The following PLD5 variants were observed in gnomAD, a reference collection of about 807,000 sequenced individuals.
PLD5 encodes the protein inactive phospholipase D5.
PLD5 carries 36 observed loss-of-function variants against 61.1 expected under a neutral mutation model. The observed-to-expected ratio is 0.59, with a 90% CI of 0.45 to 0.78. The LOEUF (loss-of-function observed/expected upper bound fraction) is 0.78. Among genes scored for constraint, PLD5 ranks in the 30% least tolerant of loss-of-function variants. The pLI is 0.00. For missense variants in PLD5, 515 were observed against 644.4 expected (o/e 0.80, Z 2.17); for synonymous variants, 243 against 242.8 (o/e 1.00, Z -0.01).
intron 4 of PLD5, among the ~76,000 whole-genome samples, chr1:242,244,099 G>A (rs1272412745): frequency 1.3e-5 from 2 of 152,120 alleles, no homozygotes; most frequent in Non-Finnish European, 2.9e-5. Flanking sequence ...ATATATGCAC[G>A]TATTACCTGA....
chr1:242,110,860 C>T (rs956169985), intron 7 of PLD5, among the ~76,000 whole-genome samples: 2 of 152,068 alleles, frequency 1.3e-5, no homozygotes, highest in Non-Finnish European at 2.9e-5. Context: ...AAATAAAAAG[C>T]ATTAACACTT....
chr1:242,214,870 C>CGTTT, intron 5 of PLD5, among the ~76,000 whole-genome samples: 1 of 111,458 alleles, frequency 9.0e-6, no homozygotes, highest in Admixed American at 8.5e-5. Flanking sequence ...TCATTAAACA[C>CGTTT]CTTTTTTTTT....
chr1:242,514,108 T>G (rs1175025084), intron 1 of PLD5, among the ~76,000 whole-genome samples: 1 of 152,232 alleles, frequency 6.6e-6, no homozygotes, highest in African/African-American at 2.4e-5. Flanking sequence ...ATAAAGTATC[T>G]ATTCAAATAT....
intron 5 of PLD5, among the ~76,000 whole-genome samples, chr1:242,164,403 TAA>T (rs34240432): frequency 4.4e-4 from 66 of 149,762 alleles, no homozygotes; most frequent in South Asian, 4.2e-4. Context: ...TGACAAATAT[TAA>T]AAAAAAAAAA....
intron 1 of PLD5, chr1:242,377,409 C>G (rs1255493665): frequency 9.8e-6 from 11 of 1,119,748 alleles, no homozygotes; most frequent in Non-Finnish European, 1.5e-5. Context: ...CCGCTTGGGA[C>G]TGGGGACCTT....
chr1:242,470,021 A>G (rs1431944085), intron 1 of PLD5, among the ~76,000 whole-genome samples: 12 of 152,172 alleles, frequency 7.9e-5, no homozygotes. Context: ...TGCACCAGGA[A>G]AAGCAAACCA....
At chr1:242,419,572 A>ATTTT (rs767869905) in intron 1 of PLD5, among the ~76,000 whole-genome samples, 17,060 of 96,944 alleles carry the variant, frequency 0.18, 2,510 homozygotes, top group African/African-American at 0.33. Flanking sequence ...AATTTTTTGC[A>ATTTT]TTTTTTTTTT....
chr1:242,394,392 GTA>G (rs1209478240), intron 1 of PLD5, among the ~76,000 whole-genome samples: 1 of 98,902 alleles, frequency 1.0e-5, no homozygotes, highest in African/African-American at 4.3e-5. Flanking sequence ...GTATATATGA[GTA>G]TATATGTGTG....
At chr1:242,523,642 G>A (rs187684693) in intron 1 of PLD5, among the ~76,000 whole-genome samples, 1 of 152,306 alleles carries the variant, frequency 6.6e-6, no homozygotes, top group East Asian at 1.9e-4. Flanking sequence ...CGCTAGCGGC[G>A]CCAACTTTAC....
intron 5 of PLD5, among the ~76,000 whole-genome samples, chr1:242,133,784 C>T (rs1432783201): frequency 1.3e-5 from 2 of 152,096 alleles, no homozygotes; most frequent in African/African-American, 4.8e-5. Flanking sequence ...GGAAAATCAA[C>T]AGATAAAACC....
At chr1:242,113,232 G>A (rs910811823) in intron 7 of PLD5, among the ~76,000 whole-genome samples, 7 of 151,964 alleles carry the variant, frequency 4.6e-5, no homozygotes, top group Non-Finnish European at 8.8e-5. Context: ...TGGGACTACA[G>A]GCACCCGCCA....
intron 9 of PLD5, among the ~76,000 whole-genome samples, chr1:242,095,727 T>C (rs1014420460): frequency 6.6e-6 from 1 of 152,120 alleles, no homozygotes; most frequent in Non-Finnish European, 1.5e-5. Context: ...ATGTAAAATA[T>C]CCAGATTTGA....
chr1:242,484,128 C>G lies in PLD5; in HGVS notation c.189+39960G>C, dbSNP rs554200568. Among the ~76,000 whole-genome samples the G allele has an allele frequency of 3.0e-4, 45 of 152,078 alleles. No homozygotes were observed. The South Asian group carries it at 8.9e-3, about 30-fold the overall frequency. On this transcript the variant is annotated intron_variant, in intron 1 of 9. Coordinates refer to ENST00000536534, the MANE Select transcript of PLD5 (RefSeq NM_001372062.1). ...AGCAGGAAAGATCCAAAATTGACAC[C>G]CTAACATCACAATTAAAAGAACTAC... is the stretch of plus-strand genomic sequence containing the variant.
At chr1:242,210,880 T>C (rs1574524317) in intron 5 of PLD5, 1 of 152,244 alleles carries the variant, frequency 6.6e-6, no homozygotes, top group African/African-American at 2.4e-5. Flanking sequence ...AACCACAATA[T>C]TCCTGTAAGC....
At chr1:242,392,740 G>A (rs1663007976) in intron 1 of PLD5, among the ~76,000 whole-genome samples, 1 of 152,108 alleles carries the variant, frequency 6.6e-6, no homozygotes, top group East Asian at 1.9e-4. Context: ...TGGGTGGGAG[G>A]GTAGGAAGGC....
At chr1:242,211,115 G>A (rs1669791101) in intron 5 of PLD5, among the ~76,000 whole-genome samples, 1 of 152,172 alleles carries the variant, frequency 6.6e-6, no homozygotes, top group Non-Finnish European at 1.5e-5. Flanking sequence ...GATGAAGCTG[G>A]ATACACTAAA....
Position 242,252,816 on chromosome 1 carries a change from C to CTTTTTTT in PLD5, c.607+12514_607+12520dup, listed in dbSNP as rs71176729. Among the ~76,000 whole-genome samples, 2 of 120,656 alleles carry CTTTTTTT rather than the reference C, an allele frequency of 1.7e-5. 1 individual carries two copies. The highest frequency in any genetic ancestry group is 3.4e-5 in the Non-Finnish European group (2 of 58,488). The allele number at this position is 120,656 out of a possible 152,430, so 79.2% of individuals were successfully genotyped here. A position where few individuals can be genotyped will look rare whatever the true frequency, so the allele number is the denominator to read the frequency against. On this transcript the variant is annotated intron_variant, in intron 4 of 9. Coordinates refer to ENST00000536534, the MANE Select transcript of PLD5 (RefSeq NM_001372062.1). ...TTATATCTTTATTCCTCTTCAGTGC[C>CTTTTTTT]TTTTTTTTTTTTTTTTTTGAGATGG...
upstream of PLD5, among the ~76,000 whole-genome samples, chr1:242,526,978 T>C (rs925104047): frequency 6.6e-6 from 1 of 152,194 alleles, no homozygotes; most frequent in African/African-American, 2.4e-5. Context: ...AGAGTAATAA[T>C]GAACTGTTCT....
intron 5 of PLD5, among the ~76,000 whole-genome samples, chr1:242,168,037 C>A (rs1299691917): frequency 6.6e-6 from 1 of 152,176 alleles, no homozygotes; most frequent in Non-Finnish European, 1.5e-5. Flanking sequence ...ACCAGAATCT[C>A]CAGCATTTAC....
Sources: allele counts gnomAD v4.1 joint callset (sites outside exome capture counted in the v4.1 genomes callset), GRCh38; gene constraint gnomAD v4.1.1; transcripts MANE v1.5; gene names NCBI Gene and HGNC (gene_info 2026-07-23, HGNC 2026-07-21).